Variants in RPS6KA2 observed in about 807,000 individuals in gnomAD.
RPS6KA2 encodes ribosomal protein S6 kinase A2, also known as ribosomal protein S6 kinase alpha-2.
In RPS6KA2, 42 loss-of-function variants were observed where a neutral mutation model predicts 91.8. That is an observed-to-expected ratio of 0.46 (90% confidence interval 0.36 to 0.59). The LOEUF (loss-of-function observed/expected upper bound fraction) is 0.59, where lower values mean the gene tolerates loss of function less well. Ranked by LOEUF, RPS6KA2 falls within the 20% of genes least tolerant of loss-of-function variation. RPS6KA2 has a pLI of 0.00. For synonymous variants in RPS6KA2, 414 were observed against 393.6 expected (o/e 1.05, Z -0.61); for missense variants, 798 against 978.5 (o/e 0.82, Z 2.46).
intron 2 of RPS6KA2, among the ~76,000 whole-genome samples, chr6:166,704,499 G>A (rs1215128388): frequency 3.9e-5 from 6 of 152,346 alleles, no homozygotes; most frequent in East Asian, 3.9e-4. Flanking sequence ...ATGCACTCAC[G>A]TTTTAAGTCA....
chr6:166,431,276 C>T (rs1779122830), intron 15 of RPS6KA2, among the ~76,000 whole-genome samples: 1 of 152,236 alleles, frequency 6.6e-6, no homozygotes, highest in African/African-American at 2.4e-5. Flanking sequence ...GGCAAACCAC[C>T]TTGCAAGAGC....
intron 1 of RPS6KA2, among the ~76,000 whole-genome samples, chr6:166,614,289 A>C (rs998582040): frequency 1.3e-5 from 2 of 152,242 alleles, no homozygotes; most frequent in Non-Finnish European, 2.9e-5. Flanking sequence ...GAGGCTGAAC[A>C]TCTGGCTCTG....
rs1179994170 is a variant in RPS6KA2 at position 166,413,712 on chromosome 6, C to A, written c.2076+82G>T. On this transcript the variant is annotated intron_variant, in intron 20 of 20. Coordinates refer to ENST00000265678, the MANE Select transcript of RPS6KA2 (RefSeq NM_021135.6). Reference sequence around the variant, plus strand: ...GCTCTTTCTCTGCACTCTGTGGTTTCTTCGGAGTGATTGCAAGGTATCAGG... The same window carrying A: ...GCTCTTTCTCTGCACTCTGTGGTTTATTCGGAGTGATTGCAAGGTATCAGG... The A allele has an allele frequency of 4.1e-6, 6 of 1,465,968 alleles. No individual in the cohort carries two copies. In the East Asian group the frequency reaches 1.1e-4, roughly 28 times the overall value. The allele number at this position is 1,465,968 out of a possible 1,614,324, so 90.8% of individuals were successfully genotyped here.
At chr6:166,802,048 G>C (rs1355219754) in intron 2 of RPS6KA2, among the ~76,000 whole-genome samples, 1 of 152,012 alleles carries the variant, frequency 6.6e-6, no homozygotes, top group Non-Finnish European at 1.5e-5. Flanking sequence ...ATGAGGTCAG[G>C]AGATCGAGAC....
rs143505466 is a variant in RPS6KA2 at position 166,750,902 on chromosome 6, T to A, written c.123+107298A>T. Among the ~76,000 whole-genome samples, 41 of 152,338 alleles carry A rather than the reference T, an allele frequency of 2.7e-4. No individual in the cohort carries two copies. In the East Asian group the frequency reaches 7.9e-3, roughly 29 times the overall value. ...GGGCTAAGACATCCCTCTTGCTGCG[T>A]AGACTGTGATCATATTCAGGAGGAA... On this transcript the variant is annotated intron_variant, in intron 2 of 21. Transcript: ENST00000503859.
intron 2 of RPS6KA2, among the ~76,000 whole-genome samples, chr6:166,738,051 C>T (rs1273455585): frequency 6.6e-6 from 1 of 152,128 alleles, no homozygotes; most frequent in Non-Finnish European, 1.5e-5. Flanking sequence ...ACTATTTTTG[C>T]TATATTACTG....
intron 2 of RPS6KA2, among the ~76,000 whole-genome samples, chr6:166,690,057 G>T (rs375009598): frequency 2.6e-5 from 4 of 152,170 alleles, no homozygotes; most frequent in African/African-American, 9.7e-5. Flanking sequence ...CTAGGGATTG[G>T]GTGAGGGGCT....
chr6:166,468,856 T>TCCATCTCAAAAAAAAAAAA (rs567161437), intron 11 of RPS6KA2, among the ~76,000 whole-genome samples: 8 of 112,178 alleles, frequency 7.1e-5, no homozygotes, highest in African/African-American at 2.3e-4. Context: ...AGAGCGAGAC[T>TCCATCTCAAAAAAAAAAAA]AAAAAAAAAA....
At chr6:166,763,017 C>T (rs1372068723) in intron 2 of RPS6KA2, among the ~76,000 whole-genome samples, 1 of 152,216 alleles carries the variant, frequency 6.6e-6, no homozygotes, top group Non-Finnish European at 1.5e-5. Context: ...AATATAGCTA[C>T]TACAAGGTGG....
intron 10 of RPS6KA2, among the ~76,000 whole-genome samples, chr6:166,474,230 G>C (rs1187087503): frequency 6.6e-6 from 1 of 152,174 alleles, no homozygotes; most frequent in East Asian, 1.9e-4. Flanking sequence ...ACTGGGATGA[G>C]GATCAGAATG....
chr6:166,580,611 G>C (rs750373755), intron 1 of RPS6KA2, among the ~76,000 whole-genome samples: 2 of 152,212 alleles, frequency 1.3e-5, no homozygotes, highest in Non-Finnish European at 2.9e-5. Context: ...GTCCATGCCT[G>C]TCATTGTATG....
rs1249429508 is a variant in RPS6KA2 at position 166,586,336 on chromosome 6, C to T, written c.99+40585G>A. On this transcript the variant is annotated intron_variant, in intron 1 of 20. Transcript: ENST00000265678. ...TTGCCTCTGTTTCTTTGGTTCCCAC[C>T]AGCTCTGCTATTCCATTCCTCAACA... is the stretch of plus-strand genomic sequence containing the variant. 8.1e-6 allele frequency: 13 copies of T among 1,599,416 alleles called. 1 individual carries two copies. The Admixed American group carries it at 1.7e-4, about 21-fold the overall frequency.
At chr6:166,727,344 AC>A (rs1790370184) in intron 2 of RPS6KA2, among the ~76,000 whole-genome samples, 1 of 152,146 alleles carries the variant, frequency 6.6e-6, no homozygotes, top group Non-Finnish European at 1.5e-5. Context: ...ACACACACAC[AC>A]ACACAGCTGT....
At chr6:166,505,698 A>C (rs116063702) in intron 5 of RPS6KA2, among the ~76,000 whole-genome samples, 3,612 of 152,338 alleles carry the variant, frequency 0.024, 145 homozygotes, top group African/African-American at 0.083. Flanking sequence ...ACAGGGCTGG[A>C]CACGCAGGCT....
intron 10 of RPS6KA2, among the ~76,000 whole-genome samples, chr6:166,477,115 G>A (rs543293585): frequency 3.3e-5 from 5 of 152,282 alleles, no homozygotes; most frequent in Non-Finnish European, 4.4e-5. Flanking sequence ...CTCCAGCTCC[G>A]CAGGCAACTA....
At chr6:166,461,393 C>A (rs1313394228) in intron 11 of RPS6KA2, among the ~76,000 whole-genome samples, 1 of 152,034 alleles carries the variant, frequency 6.6e-6, no homozygotes, top group East Asian at 1.9e-4. Context: ...CAGGCCAGTG[C>A]AGCCCATTCC....
chr6:166,824,706 T>C (rs1003434934), intron 2 of RPS6KA2, among the ~76,000 whole-genome samples: 1 of 143,592 alleles, frequency 7.0e-6, no homozygotes, highest in African/African-American at 2.5e-5. Context: ...TGTGTCTGTG[T>C]GTGTGTGTCT....
At chr6:166,831,372 A>C (rs1456548417) in intron 2 of RPS6KA2, among the ~76,000 whole-genome samples, 1 of 152,088 alleles carries the variant, frequency 6.6e-6, no homozygotes, top group African/African-American at 2.4e-5. Flanking sequence ...CATGATGACT[A>C]TGGAGCTTCT....
chr6:166,507,691 C>T (rs1224444076), intron 5 of RPS6KA2, among the ~76,000 whole-genome samples: 1 of 149,128 alleles, frequency 6.7e-6, no homozygotes, highest in Non-Finnish European at 1.5e-5. Flanking sequence ...CACACCCCCA[C>T]ATATACACAT....
Sources: gnomAD v4.1 joint callset for allele counts (sites outside exome capture counted in the v4.1 genomes callset) on GRCh38, gnomAD v4.1.1 for gene constraint, MANE v1.5 for transcripts, NCBI Gene and HGNC (gene_info 2026-07-23, HGNC 2026-07-21) for gene names.